CDK11B: variants seen among roughly 807,000 people sequenced by gnomAD.
The protein encoded by CDK11B is cyclin dependent kinase 11B, also known as cyclin-dependent kinase 11B.
A neutral mutation model predicts 84.0 loss-of-function variants in CDK11B; 37 were observed. The ratio of observed to expected loss-of-function variants is 0.44; its 90% CI spans 0.34 to 0.58. The LOEUF (loss-of-function observed/expected upper bound fraction) is 0.58, where lower values mean the gene tolerates loss of function less well. Ranked by LOEUF, CDK11B falls within the 20% of genes least tolerant of loss-of-function variation. The pLI, the probability that CDK11B is intolerant of heterozygous loss-of-function variation, is 0.02. For missense variants in CDK11B, 427 were observed against 834.0 expected, an observed-to-expected ratio of 0.51 and a Z score of 6.01; for synonymous variants, 269 against 309.8, an observed-to-expected ratio of 0.87 and a Z score of 1.38.
intron 3 of CDK11B, 60 bp from the exon 4 acceptor site, chr1:1,652,626 T>C: frequency 7.9e-7 from 1 of 1,272,778 alleles, no homozygotes; most frequent in East Asian, 2.8e-5. Flanking sequence ...AGCATCAGGC[T>C]ATTATAAGGT....
rs1022555968 is a variant in CDK11B at position 1,637,213 on chromosome 1, G to C, written c.1571-11C>G. ...GGGTCTTCACCTCCCCTGGGAGGGA[G>C]GGAAGCTCCCATGTGGACCTGGCTG... On this transcript the variant is annotated splice_polypyrimidine_tract_variant and intron_variant, in intron 14 of 19. Transcript: ENST00000341832. 2 of 1,612,830 alleles carry C rather than the reference G, an allele frequency of 1.2e-6. No individual in the cohort carries two copies. The highest frequency in any genetic ancestry group is 8.5e-7 in the Non-Finnish European group (1 of 1,179,682).
intron 4 of CDK11B, among the ~76,000 whole-genome samples, chr1:1,650,669 T>G (rs1483492295): frequency 1.1e-4 from 7 of 66,128 alleles, no homozygotes; most frequent in Admixed American, 2.5e-4. Context: ...CCGGCCTTTT[T>G]TTTTTTTTTT....
chr1:1,657,890 G>A (rs1296773604), intron 1 of CDK11B, among the ~76,000 whole-genome samples: 17 of 76,546 alleles, frequency 2.2e-4, no homozygotes, highest in Admixed American at 3.1e-4. Context: ...AGATAACAAA[G>A]TAAGACTTGG....
chr1:1,649,166 C>G (rs1333303640), intron 5 of CDK11B, among the ~76,000 whole-genome samples: 1 of 152,126 alleles, frequency 6.6e-6, no homozygotes, highest in Non-Finnish European at 1.5e-5. Flanking sequence ...GTGGCGGGAT[C>G]TCAGCTCAAT....
Position 1,636,748 on chromosome 1 carries a change from C to G in CDK11B, c.1851G>C (p.Glu617Asp). 1 of 1,613,968 alleles carries G rather than the reference C, an allele frequency of 6.2e-7. No individual in the cohort carries two copies. Among genetic ancestry groups the G allele is most frequent in the South Asian group, 1.1e-5 (1 of 91,084 alleles). ...GGAACAGAGGCTTCTGAGTCAGCAG[C>G]TCCCCGAAGATGCAACCCACTGACC... ...DMWSVGCIFG[E>D]LLTQKPLFPG... Residue 617 changes from glutamate (E) to aspartate (D), a missense_variant, in exon 17 of 20, where the codon GAG (glutamate) becomes GAC (aspartate). Around this residue, in one of 12 missense-constraint regions of CDK11B, gnomAD observed 170 missense variants for 196.0 expected, o/e 0.87. Transcript: ENST00000341832.
rs1642134213 is a variant in CDK11B at position 1,652,403 on chromosome 1, T to C, written c.355+36A>G. Reference sequence around the variant, plus strand: ...GTAGGAACAGGAAAGAAACCACACTTGAACATGATGTCAAAGAAAGTAAAT... The same window carrying C: ...GTAGGAACAGGAAAGAAACCACACTCGAACATGATGTCAAAGAAAGTAAAT... On this transcript the variant is annotated intron_variant, in intron 4 of 19. Transcript: ENST00000341832. The C allele has an allele frequency of 2.7e-6, 4 of 1,473,946 alleles. No homozygotes were observed. In the Admixed American group the frequency reaches 1.1e-4, roughly 42 times the overall value. 91.3% of individuals were successfully genotyped at this position (1,473,946 alleles called of 1,614,324 possible). A position where few individuals can be genotyped will look rare whatever the true frequency, so the allele number is the denominator to read the frequency against.
chr1:1,639,373 A>C (rs1570047081), intron 11 of CDK11B, among the ~76,000 whole-genome samples: 1 of 151,634 alleles, frequency 6.6e-6, no homozygotes, highest in East Asian at 1.9e-4. Context: ...GCTATGATTA[A>C]GCCACTCCAC....
In CDK11B at chr1:1,650,176, G is replaced by A. The variant is rs1227578879; in HGVS notation, c.356-539C>T. Among the ~76,000 whole-genome samples the A allele has an allele frequency of 5.7e-3, 815 of 143,820 alleles. 6 individuals carry two copies. The highest frequency in any genetic ancestry group is 0.011 in the Middle Eastern group (3 of 276). The allele number at this position is 143,820 out of a possible 152,430, so 94.4% of individuals were successfully genotyped here. A position where few individuals can be genotyped will look rare whatever the true frequency, so the allele number is the denominator to read the frequency against. ...TCCCAGCTACTCGGGAGGCTGAGGC[G>A]GGAGAATAGCGTGAACCCAGGAGAT... On this transcript the variant is annotated intron_variant, in intron 4 of 19. Coordinates refer to ENST00000341832, the MANE Select transcript of CDK11B (RefSeq NM_033486.3).
rs1382691077 is a variant in CDK11B at position 1,637,900 on chromosome 1, G to A, written c.1343-17C>T. ...CAATTTCATCTGTGAAGAAAATACA[G>A]ACGGCACTGAGAGGCATTCTCAAAG... is the stretch of plus-strand genomic sequence containing the variant. On this transcript the variant is annotated splice_polypyrimidine_tract_variant and intron_variant, in intron 12 of 19. Transcript: ENST00000341832. 2.5e-6 allele frequency: 4 copies of A among 1,613,254 alleles called. No individual in the cohort carries two copies. The highest frequency in any genetic ancestry group is 2.5e-6 in the Non-Finnish European group (3 of 1,179,500).
intron 2 of CDK11B, among the ~76,000 whole-genome samples, chr1:1,656,852 A>G (rs956397677): frequency 2.6e-5 from 4 of 152,366 alleles, no homozygotes; most frequent in African/African-American, 9.6e-5. Context: ...TCTGTGAAGC[A>G]TAATAAAGTG....
chr1:1,649,812 T>TA (rs1456490009), intron 4 of CDK11B, among the ~76,000 whole-genome samples, 175 bp from the exon 5 acceptor site: 1 of 151,498 alleles, frequency 6.6e-6, no homozygotes, highest in African/African-American at 2.4e-5. Flanking sequence ...CCGTCTCTAC[T>TA]AAAAATACAA....
Position 1,641,116 on chromosome 1 carries a change from G to C in CDK11B, c.1010-3C>G. On this transcript the variant is annotated splice_polypyrimidine_tract_variant and splice_region_variant and intron_variant, in intron 9 of 19. Transcript: ENST00000341832. ...CATTTCTTCCTCACTTACTTCTTCT[G>C]CAAGAGAAAGGAGGCGTCTGCTCAG... is the stretch of plus-strand genomic sequence containing the variant. 2.0e-6 allele frequency: 3 copies of C among 1,511,988 alleles called. No homozygotes were observed. Among genetic ancestry groups the C allele is most frequent in the Non-Finnish European group, 1.8e-6 (2 of 1,128,472 alleles). 93.7% of individuals were successfully genotyped at this position (1,511,988 alleles called of 1,614,324 possible). A position where few individuals can be genotyped will look rare whatever the true frequency, so the allele number is the denominator to read the frequency against.
At chr1:1,653,014 C>T (rs1245981998) in intron 3 of CDK11B, among the ~76,000 whole-genome samples, 7 of 151,426 alleles carry the variant, frequency 4.6e-5, no homozygotes, top group South Asian at 2.1e-4. Context: ...TGAGCCACTG[C>T]GCCCGGCCTG....
intron 10 of CDK11B, among the ~76,000 whole-genome samples, chr1:1,640,777 G>A (rs1369745874): frequency 3.3e-5 from 5 of 152,222 alleles, no homozygotes; most frequent in South Asian, 2.1e-4. Flanking sequence ...GGACAGGCCC[G>A]GAGCCACCAT....
intron 4 of CDK11B, among the ~76,000 whole-genome samples, chr1:1,650,187 G>A (rs1261374035): frequency 2.1e-5 from 3 of 140,342 alleles, no homozygotes; most frequent in Non-Finnish European, 4.6e-5. Flanking sequence ...GGAGAATAGC[G>A]TGAACCCAGG....
rs369710197 is a variant in CDK11B at position 1,637,030 on chromosome 1, A to G, written c.1693-26T>C. On this transcript the variant is annotated intron_variant, in intron 15 of 19. Transcript: ENST00000341832. ...CTGCAACGACAGATGGGCGGCTGTG[A>G]GTGGGCCCCGGCAGGTCTCCCTGGG... 9,387 of 1,608,084 alleles carry G rather than the reference A, an allele frequency of 5.8e-3. 74 individuals are homozygous for G. The highest frequency in any genetic ancestry group is 7.2e-3 in the Non-Finnish European group (8,451 of 1,175,084).
At position 1,657,498 on chromosome 1, in the gene CDK11B, A is replaced by C; in HGVS notation, c.-13T>G. The C allele has an allele frequency of 6.6e-7, 1 of 1,511,630 alleles. No individual in the cohort carries two copies. The highest frequency in any genetic ancestry group is 8.9e-7 in the Non-Finnish European group (1 of 1,128,470). The allele number at this position is 1,511,630 out of a possible 1,614,324, so 93.6% of individuals were successfully genotyped here. A position where few individuals can be genotyped will look rare whatever the true frequency, so the allele number is the denominator to read the frequency against. ...TTTCATCACCCATTTGAGTTAAAACACTGCAAAAAGAAAAATAATTCAGCC... is the reference window on the plus strand; with the variant it reads ...TTTCATCACCCATTTGAGTTAAAACCCTGCAAAAAGAAAAATAATTCAGCC... On this transcript the variant is annotated splice_region_variant and 5_prime_UTR_variant, in exon 2 of 20. Coordinates refer to ENST00000341832, the MANE Select transcript of CDK11B (RefSeq NM_033486.3).
At chr1:1,638,460 C>G (rs766608096) in intron 12 of CDK11B, 40 bp downstream of exon 12, 2 of 1,040,676 alleles carry the variant, frequency 1.9e-6, no homozygotes, top group African/African-American at 3.0e-5. Context: ...GCCCCTGCCC[C>G]ACTTCCCCTG....
chr1:1,655,471 T>A lies in CDK11B; in HGVS notation c.125A>T (p.Asp42Val), dbSNP rs1642621086. The A allele has an allele frequency of 6.2e-7, 1 of 1,611,410 alleles. No homozygotes were observed. The highest frequency in any genetic ancestry group is 8.5e-7 in the Non-Finnish European group (1 of 1,177,864). ...IKRLKNSDDR[D>V]SKRDSLEEGE... is the part of the protein sequence containing the mutation. The stretch of plus-strand genomic sequence containing the variant: ...CTCCTCAAGGGAATCCCGCTTGGAA[T>A]CCCGGTCATCAGACTAAGAAGCAAA... The change falls in exon 3 of 20, where the codon GAT (aspartate) becomes GTT (valine). Residue 42 changes from aspartate (D) to valine (V), a missense_variant. Asp to Val is a radical substitution (Grantham distance 152). Transcript: ENST00000341832.
Sources: allele counts gnomAD v4.1 joint callset (sites outside exome capture counted in the v4.1 genomes callset), GRCh38; gene constraint gnomAD v4.1.1; regional missense constraint gnomAD v4.1.1; transcripts MANE v1.5; gene names NCBI Gene and HGNC (gene_info 2026-07-23, HGNC 2026-07-21).